Variants in PSG5 observed in about 807,000 individuals in gnomAD.
PSG5 encodes pregnancy specific beta-1-glycoprotein 5.
Under a neutral mutation model 37.7 loss-of-function variants are expected in PSG5, and 53 were observed. That is an observed-to-expected ratio of 1.41 (90% CI 1.13 to 1.77). The LOEUF (loss-of-function observed/expected upper bound fraction) is 1.77. Ranked by LOEUF, PSG5 falls within the 40% of genes most tolerant of loss-of-function variation. The probability of loss-of-function intolerance (pLI) is 0.00; values close to 1 mark genes in which losing one functional copy is unlikely to be tolerated. For missense variants in PSG5, 547 were observed against 405.2 expected (o/e 1.35, Z -3.00); for synonymous variants, 221 against 155.4 (o/e 1.42, Z -3.14).
chr19:43,174,319 T>G, intron 4 of PSG5: 3 of 499,588 alleles, frequency 6.0e-6, no homozygotes, highest in Non-Finnish European at 7.8e-6. Context: ...ATTGCACACA[T>G]AGAAATAGTT....
rs1177983134 is a variant in PSG5, at chr19:43,186,035, G to C, written c.64+307C>G. 2.0e-5 allele frequency among the ~76,000 whole-genome samples: 3 copies of C among 150,568 alleles called. 1 individual carries two copies. The highest frequency in any genetic ancestry group is 7.4e-5 in the African/African-American group (3 of 40,698). On this transcript the variant is annotated intron_variant, in intron 1 of 5. Coordinates refer to ENST00000342951, the MANE Select transcript of PSG5 (RefSeq NM_002781.4). ...ACTGTCACCCAGGCTGGCGTGCAGTGGTGCTATCTCGGCTCGCTGCAACTT... is the reference window on the plus strand; with the variant it reads ...ACTGTCACCCAGGCTGGCGTGCAGTCGTGCTATCTCGGCTCGCTGCAACTT...
chr19:43,178,133 C>A (rs1463558778), intron 2 of PSG5, among the ~76,000 whole-genome samples: 1 of 151,394 alleles, frequency 6.6e-6, no homozygotes, highest in Non-Finnish European at 1.5e-5. Flanking sequence ...TTTGATTTTC[C>A]CTCTCCCTTT....
At chr19:43,175,638 C>T (rs1184832634) in intron 3 of PSG5, 169 bp from the exon 4 acceptor site, 2 of 1,394,838 alleles carry the variant, frequency 1.4e-6, no homozygotes, top group African/African-American at 1.5e-5. Flanking sequence ...CTGTTTCTCC[C>T]ATCACAAGCT....
intron 4 of PSG5, 142 bp from the exon 5 acceptor site, chr19:43,170,280 G>T: frequency 1.1e-6 from 1 of 878,050 alleles, no homozygotes; most frequent in Non-Finnish European, 1.7e-6. Context: ...ATTGATGGGA[G>T]ATGATTATAT....
intron 4 of PSG5, 48 bp downstream of exon 4, chr19:43,175,167 T>C: frequency 6.2e-6 from 10 of 1,611,710 alleles, no homozygotes; most frequent in Non-Finnish European, 8.5e-6. Flanking sequence ...GAAAGCCAGG[T>C]AGACTCCACC....
intron 4 of PSG5, 147 bp downstream of exon 4, chr19:43,175,068 A>G (rs564472239): frequency 6.4e-7 from 1 of 1,566,480 alleles, no homozygotes; most frequent in African/African-American, 1.4e-5. Flanking sequence ...TGTAGAGACA[A>G]ATTGGAAGGG....
At position 43,175,915 on chromosome 19, in the gene PSG5, G is replaced by A. The variant is rs141354766; in HGVS notation, c.664C>T (p.Arg222Ter). The change falls in exon 3 of 6, where the codon CGA becomes TGA. Residue 222 changes from arginine to a stop codon, truncating the protein, a stop_gained. Coordinates refer to ENST00000342951, the MANE Select transcript of PSG5 (RefSeq NM_002781.4). LOFTEE classifies it high-confidence loss of function. ...TGPYECEIRD[R>*]DGGMRSDPVT... Reference sequence around the variant, plus strand: ...GGGTCACTGCGCATGCCACCATCTCGGTCCCGTATTTCACATTCATAGGGT... The same window carrying A: ...GGGTCACTGCGCATGCCACCATCTCAGTCCCGTATTTCACATTCATAGGGT... 151 of 1,612,430 alleles carry A rather than the reference G, an allele frequency of 9.4e-5. 1 individual carries two copies. Among genetic ancestry groups the A allele is most frequent in the Admixed American group, 6.0e-4 (36 of 59,866 alleles).
intron 2 of PSG5, among the ~76,000 whole-genome samples, chr19:43,176,557 C>A (rs747243752): frequency 2.0e-5 from 3 of 151,588 alleles, no homozygotes; most frequent in African/African-American, 7.3e-5. Context: ...GATTTCTCTG[C>A]AGCTCCCATT....
At position 43,177,117 on chromosome 19, in the gene PSG5, A is replaced by G. The variant is rs527804697; in HGVS notation, c.431-969T>C. ...GACATTCTACTCTCTGATTCCATGG[A>G]TTCGACTACTCTAGGGACCTCATGT... On this transcript the variant is annotated intron_variant, in intron 2 of 5. Coordinates refer to ENST00000342951, the MANE Select transcript of PSG5 (RefSeq NM_002781.4). Among the ~76,000 whole-genome samples the G allele has an allele frequency of 5.5e-3, 832 of 151,686 alleles. 28 individuals are homozygous for G. The highest frequency in any genetic ancestry group is 0.035 in the South Asian group (171 of 4,820).
At position 43,173,096 on chromosome 19, in the gene PSG5, G is replaced by C. The variant is rs1249640152; in HGVS notation, c.964+2119C>G. Among the ~76,000 whole-genome samples, 6 of 151,632 alleles carry C rather than the reference G, an allele frequency of 4.0e-5. No individual in the cohort carries two copies. The South Asian group carries it at 1.0e-3, about 26-fold the overall frequency. On this transcript the variant is annotated intron_variant, in intron 4 of 5. Coordinates refer to ENST00000342951, the MANE Select transcript of PSG5 (RefSeq NM_002781.4). ...GCATATATGGCCAAATGATTTTCAT[G>C]GAGTGTTCCAAGATCATTCAATGGG...
chr19:43,169,196 C>T (rs1351257589), intron 5 of PSG5, among the ~76,000 whole-genome samples: 2 of 151,642 alleles, frequency 1.3e-5, no homozygotes, highest in Non-Finnish European at 2.9e-5. Flanking sequence ...GGTCTCATTT[C>T]CTGTCTTAGG....
At chr19:43,185,821 A>C (rs1339328250) in intron 1 of PSG5, among the ~76,000 whole-genome samples, 2 of 93,694 alleles carry the variant, frequency 2.1e-5, no homozygotes, top group African/African-American at 9.9e-5. Context: ...GTGTCATCTG[A>C]TATAGTTATT....
intron 2 of PSG5, among the ~76,000 whole-genome samples, chr19:43,179,635 C>T (rs1241153474): frequency 2.6e-5 from 4 of 151,716 alleles, no homozygotes; most frequent in Non-Finnish European, 5.9e-5. Context: ...CCTTTGGGTA[C>T]TGGAAAGCCT....
At chr19:43,181,151 G>A (rs1057147652) in intron 2 of PSG5, among the ~76,000 whole-genome samples, 4 of 151,538 alleles carry the variant, frequency 2.6e-5, no homozygotes, top group Non-Finnish European at 5.9e-5. Flanking sequence ...TGTGGCACAG[G>A]CAGTAAAACC....
At chr19:43,183,910 T>G (rs1237675063) in intron 2 of PSG5, among the ~76,000 whole-genome samples, 1 of 95,044 alleles carries the variant, frequency 1.1e-5, no homozygotes, top group African/African-American at 5.1e-5. Flanking sequence ...GCAAATGGAC[T>G]GTGGATTTTC....
chr19:43,184,207 G>A (rs1417383301), intron 2 of PSG5, among the ~76,000 whole-genome samples: 3 of 151,714 alleles, frequency 2.0e-5, no homozygotes, highest in Non-Finnish European at 4.4e-5. Context: ...GGTGAAGAAA[G>A]CTCTGTCTTT....
rs530327767 is a variant in PSG5 at position 43,172,529 on chromosome 19, A to G, written c.965-2391T>C. The stretch of plus-strand genomic sequence containing the variant: ...ACCAATTAAAATTAATAAATTCAGT[A>G]ATGTTGCACAATACAAAATCAACAT... On this transcript the variant is annotated intron_variant, in intron 4 of 5. Coordinates refer to ENST00000342951, the MANE Select transcript of PSG5 (RefSeq NM_002781.4). Among the ~76,000 whole-genome samples the G allele has an allele frequency of 3.2e-4, 49 of 151,842 alleles. 1 individual carries two copies. Among genetic ancestry groups the G allele is most frequent in the African/African-American group, 1.2e-3 (49 of 41,310 alleles).
chr19:43,175,697 C>T (rs1968993637), intron 3 of PSG5, 173 bp downstream of exon 3: 4 of 1,420,460 alleles, frequency 2.8e-6, no homozygotes, highest in Admixed American at 2.5e-5. Context: ...CCTTATATTC[C>T]TGGTTAAGGC....
In PSG5 at chr19:43,186,533, T is replaced by G. The variant is rs1487643278; in HGVS notation, c.-128A>C. The G allele has an allele frequency of 4.1e-6, 6 of 1,449,064 alleles. No homozygotes were observed. Among genetic ancestry groups the G allele is most frequent in the African/African-American group, 2.9e-5 (2 of 69,020 alleles). The allele number at this position is 1,449,064 out of a possible 1,614,324, so 89.8% of individuals were successfully genotyped here. ...AGCCTCTCTCCAGGGCAGGAGCACTTCTCAGGCTCATGGGTGGGGTCAGGC... is the reference window on the plus strand; with the variant it reads ...AGCCTCTCTCCAGGGCAGGAGCACTGCTCAGGCTCATGGGTGGGGTCAGGC... On this transcript the variant is annotated 5_prime_UTR_variant, in exon 1 of 6. Coordinates refer to ENST00000342951, the MANE Select transcript of PSG5 (RefSeq NM_002781.4).
Sources: gnomAD v4.1 joint callset for allele counts (sites outside exome capture counted in the v4.1 genomes callset) on GRCh38, gnomAD v4.1.1 for gene constraint, MANE v1.5 for transcripts, NCBI Gene and HGNC (gene_info 2026-07-23, HGNC 2026-07-21) for gene names.